Variants in TSGA13 observed in about 807,000 individuals in gnomAD.
TSGA13 encodes testis specific 13, also known as testis-specific gene 13 protein.
Under a neutral mutation model 35.1 loss-of-function variants are expected in TSGA13, and 37 were observed. The ratio of observed to expected loss-of-function variants is 1.05; its 90% CI spans 0.81 to 1.39. The LOEUF is 1.39. Among genes scored for constraint, TSGA13 ranks in the 40% most tolerant of loss-of-function variants. TSGA13 has a pLI of 0.00. For synonymous variants in TSGA13, 124 were observed against 121.2 expected (o/e 1.02, Z -0.15); for missense variants, 338 against 328.5 (o/e 1.03, Z -0.22).
chr7:130,679,473 G>A, intron 4 of TSGA13, 106 bp from the exon 5 acceptor site: 1 of 987,544 alleles, frequency 1.0e-6, no homozygotes, highest in Non-Finnish European at 1.5e-6. Flanking sequence ...AACAGAAGCT[G>A]GACAGACTTG....
intron 5 of TSGA13, 81 bp from the exon 6 acceptor site, chr7:130,672,957 A>G: frequency 6.9e-7 from 1 of 1,441,838 alleles, no homozygotes; most frequent in Non-Finnish European, 9.2e-7. Context: ...TTCCTGGACT[A>G]AGTTCCAATT....
At chr7:130,671,619 T>C in intron 7 of TSGA13, 42 bp downstream of exon 7, 3 of 1,525,238 alleles carry the variant, frequency 2.0e-6, no homozygotes. Context: ...CCAGCCCAAA[T>C]CTCAGTCCAG....
At position 130,668,689 on chromosome 7, in the gene TSGA13, C is replaced by T. The variant is rs944354310; in HGVS notation, c.*325G>A. The T allele has an allele frequency of 6.5e-7, 1 of 1,527,270 alleles. No individual in the cohort carries two copies. Among genetic ancestry groups the T allele is most frequent in the Non-Finnish European group, 8.8e-7 (1 of 1,138,394 alleles). The allele number at this position is 1,527,270 out of a possible 1,614,324, so 94.6% of individuals were successfully genotyped here. On this transcript the variant is annotated 3_prime_UTR_variant, in exon 8 of 8. Transcript: ENST00000356588. ...ATCATCTTGGACGACTTCCCAGCGC[C>T]CAGACCCACCGCAACCGTCCCAGGC...
At chr7:130,674,548 C>T (rs1037007125) in intron 5 of TSGA13, among the ~76,000 whole-genome samples, 43 of 152,166 alleles carry the variant, frequency 2.8e-4, no homozygotes, top group African/African-American at 1.0e-3. Flanking sequence ...TTTGTCATGG[C>T]ATTTATCACA....
chr7:130,679,023 T>A (rs886832012), intron 5 of TSGA13, 132 bp downstream of exon 5: 8 of 750,280 alleles, frequency 1.1e-5, no homozygotes, highest in Admixed American at 5.2e-5. Flanking sequence ...TGAGACCCTA[T>A]CTCAAACAAA....
Position 130,668,681 on chromosome 7 carries a change from C to A in TSGA13, c.*333G>T. 1 of 1,533,442 alleles carries A rather than the reference C, an allele frequency of 6.5e-7. No individual in the cohort carries two copies. Among genetic ancestry groups the A allele is most frequent in the Non-Finnish European group, 8.8e-7 (1 of 1,141,584 alleles). The allele number at this position is 1,533,442 out of a possible 1,614,324, so 95.0% of individuals were successfully genotyped here. On this transcript the variant is annotated 3_prime_UTR_variant, in exon 8 of 8. Transcript: ENST00000356588. ...ATTTTTTAATCATCTTGGACGACTT[C>A]CCAGCGCCCAGACCCACCGCAACCG...
At chr7:130,671,912 C>A (rs550605083) in intron 6 of TSGA13, 124 bp from the exon 7 acceptor site, 238 of 729,174 alleles carry the variant, frequency 3.3e-4, no homozygotes, top group Admixed American at 1.6e-3. Flanking sequence ...TATTTTGAGA[C>A]ACAAGTCTTG....
At position 130,669,077 on chromosome 7, in the gene TSGA13, C is replaced by G. The variant is rs782806419; in HGVS notation, c.765G>C (p.Glu255Asp). 6.8e-6 allele frequency: 11 copies of G among 1,614,214 alleles called. No individual in the cohort carries two copies. The highest frequency in any genetic ancestry group is 1.1e-5 in the South Asian group (1 of 91,080). The change falls in exon 8 of 8, where the codon GAG becomes GAC. Residue 255 changes from glutamate (E) to aspartate (D), a missense_variant. By Grantham distance (45) the Glu-to-Asp change is conservative (BLOSUM62 2). Transcript: ENST00000356588. Reference sequence around the variant, plus strand: ...GGGCCCTCCCGTTGCGGAAGGCGCTCTCCCCGGGCGCGGTTCTGGTGGGCA... The same window carrying G: ...GGGCCCTCCCGTTGCGGAAGGCGCTGTCCCCGGGCGCGGTTCTGGTGGGCA... ...EDMPTRTAPG[E>D]SAFRNGRAPQ...
rs1796533166 is a variant in TSGA13, at chr7:130,681,009, A to G, written c.111T>C (p.Asp37=). Residue 37 remains aspartate, a synonymous_variant, in exon 4 of 8, where the codon GAT becomes GAC. Coordinates refer to ENST00000356588, the MANE Select transcript of TSGA13 (RefSeq NM_052933.4). ...GMVVNSKEIS[D]AVGQSKFVLE... The stretch of plus-strand genomic sequence containing the variant: ...GAACAAATTTTGATTGCCCGACTGC[A>G]TCAGAAATCTAAAGAGGATAATCAA... 3 of 1,614,126 alleles carry G rather than the reference A, an allele frequency of 1.9e-6. No homozygotes were observed. In the African/African-American group the frequency reaches 4.0e-5, roughly 22 times the overall value.
intron 5 of TSGA13, among the ~76,000 whole-genome samples, chr7:130,674,169 C>CTTTTTTTTTTTTTTTTTTTTTTTTTT (rs1162370815): frequency 5.1e-5 from 5 of 98,414 alleles, no homozygotes; most frequent in Admixed American, 1.4e-4. Flanking sequence ...TTCTTTTTTT[C>CTTTTTTTTTTTTTTTTTTTTTTTTTT]TTTTTTTTTT....
chr7:130,685,348 C>A lies in TSGA13; in HGVS notation c.-138G>T. On this transcript the variant is annotated 5_prime_UTR_variant, in exon 2 of 8. Coordinates refer to ENST00000356588, the MANE Select transcript of TSGA13 (RefSeq NM_052933.4). ...CTTAGCACACAGTGTGTACTCATGC[C>A]CCATTCTTGAGCCTGTATGGGAAAC... The A allele has an allele frequency of 6.7e-7, 1 of 1,491,522 alleles. No homozygotes were observed. The highest frequency in any genetic ancestry group is 2.4e-5 in the East Asian group (1 of 42,362). The allele number at this position is 1,491,522 out of a possible 1,614,324, so 92.4% of individuals were successfully genotyped here. A position where few individuals can be genotyped will look rare whatever the true frequency, so the allele number is the denominator to read the frequency against.
At chr7:130,681,063 T>C in intron 3 of TSGA13, 46 bp from the exon 4 acceptor site, 1 of 1,533,782 alleles carries the variant, frequency 6.5e-7, no homozygotes, top group Non-Finnish European at 9.0e-7. Context: ...GCACCTATCC[T>C]AAACAGTATT....
At chr7:130,679,497 A>G in intron 4 of TSGA13, 130 bp from the exon 5 acceptor site, 1 of 833,126 alleles carries the variant, frequency 1.2e-6, no homozygotes. Context: ...CAAAATCTGT[A>G]GGGTTTTTTG....
upstream of TSGA13, chr7:130,686,739 CAT>C (rs1554465782): frequency 0.022 from 3,280 of 146,704 alleles, 128 homozygotes; most frequent in African/African-American, 0.074. Context: ...CACACACACA[CAT>C]CTTCACCATC....
At chr7:130,678,051 AT>A (rs1334480719) in intron 5 of TSGA13, among the ~76,000 whole-genome samples, 1 of 152,078 alleles carries the variant, frequency 6.6e-6, no homozygotes, top group Non-Finnish European at 1.5e-5. Flanking sequence ...TGGAATTTGA[AT>A]TTCTTTAGTC....
intron 7 of TSGA13, among the ~76,000 whole-genome samples, chr7:130,671,025 A>G (rs1337793024): frequency 6.6e-6 from 1 of 152,178 alleles, no homozygotes; most frequent in Admixed American, 6.5e-5. Flanking sequence ...ATACTGTTAA[A>G]TAAATGATAA....
At position 130,686,335 on chromosome 7, in the gene TSGA13, G is replaced by A. The variant is rs1796657897; in HGVS notation, c.-224C>T. 6.6e-6 allele frequency: 1 copy of A among 152,092 alleles called. No individual in the cohort carries two copies. The highest frequency in any genetic ancestry group is 2.1e-4 in the South Asian group (1 of 4,814). The allele number at this position is 152,092 out of a possible 1,614,324, so 9.4% of individuals were successfully genotyped here. A position where few individuals can be genotyped will look rare whatever the true frequency, so the allele number is the denominator to read the frequency against. ...TAAAATAAAAATGAGCTGTCAAATTGGGCAGTATAAGTCTTGGGTTGCTAG... is the reference window on the plus strand; with the variant it reads ...TAAAATAAAAATGAGCTGTCAAATTAGGCAGTATAAGTCTTGGGTTGCTAG... On this transcript the variant is annotated 5_prime_UTR_variant, in exon 1 of 8. Transcript: ENST00000356588.
chr7:130,685,311 A>G lies in TSGA13; in HGVS notation c.-101T>C, dbSNP rs113440598. 3.2e-6 allele frequency: 5 copies of G among 1,586,334 alleles called. No individual in the cohort carries two copies. In the African/African-American group the frequency reaches 4.0e-5, roughly 13 times the overall value. ...GTTCTGCAGGGGTTCAATTCAATCC[A>G]AATATTCTTTCCTTAGCACACAGTG... On this transcript the variant is annotated 5_prime_UTR_variant, in exon 2 of 8. Coordinates refer to ENST00000356588, the MANE Select transcript of TSGA13 (RefSeq NM_052933.4).
intron 7 of TSGA13, 117 bp from the exon 8 acceptor site, chr7:130,669,300 G>GACCAGAGGCTGGTCTT: frequency 7.9e-7 from 1 of 1,269,836 alleles, no homozygotes; most frequent in African/African-American, 1.5e-5. Flanking sequence ...TCTTTAGAGG[G>GACCAGAGGCTGGTCTT]TAGATTTTGG....
Sources: allele counts gnomAD v4.1 joint callset (sites outside exome capture counted in the v4.1 genomes callset), GRCh38; gene constraint gnomAD v4.1.1; transcripts MANE v1.5; gene names NCBI Gene and HGNC (gene_info 2026-07-23, HGNC 2026-07-21).